Variants in ALG13 observed in about 807,000 individuals in gnomAD.
ALG13 encodes ALG13 UDP-N-acetylglucosaminyltransferase subunit.
Under a neutral mutation model 87.8 loss-of-function variants are expected in ALG13, and 11 were observed. That is an observed-to-expected ratio of 0.13 (90% confidence interval 0.08 to 0.21). The LOEUF (loss-of-function observed/expected upper bound fraction) is 0.21, where lower values mean the gene tolerates loss of function less well. Among genes scored for constraint, ALG13 ranks in the 10% least tolerant of loss-of-function variants. ALG13 has a pLI of 1.00. For synonymous variants in ALG13, 320 were observed against 306.3 expected (o/e 1.04, Z -0.47); for missense variants, 756 against 866.1 (o/e 0.87, Z 1.60).
chrX:111,703,549 T>C (rs1602611544), intron 3 of ALG13, among the ~76,000 whole-genome samples: 1 of 112,029 alleles, frequency 8.9e-6, no homozygotes, highest in East Asian at 2.8e-4. Context: ...CCCTAACTAC[T>C]GGCAAAAACT....
chrX:111,697,916 C>A (rs753554320), intron 3 of ALG13, among the ~76,000 whole-genome samples: 1 of 112,149 alleles, frequency 8.9e-6, no homozygotes, highest in Non-Finnish European at 1.9e-5. Flanking sequence ...TCCCTTGGAG[C>A]TGTAAAATTC....
At chrX:111,737,294 A>T (rs1943337701) in intron 23 of ALG13, among the ~76,000 whole-genome samples, 1 of 112,188 alleles carries the variant, frequency 8.9e-6, no homozygotes, top group Admixed American at 9.5e-5. Flanking sequence ...AGGCTCTGGA[A>T]TTTAAAAGAT....
At chrX:111,682,988 G>T (rs1329467393) in intron 2 of ALG13, among the ~76,000 whole-genome samples, 1 of 110,890 alleles carries the variant, frequency 9.0e-6, no homozygotes, top group Non-Finnish European at 1.9e-5. Flanking sequence ...GTGAAGAAAG[G>T]TGTTTCGTTT....
chrX:111,710,838 A>G (rs1311481937), intron 5 of ALG13, among the ~76,000 whole-genome samples: 3 of 111,263 alleles, frequency 2.7e-5, no homozygotes, highest in Non-Finnish European at 5.7e-5. Flanking sequence ...CTGGGACTAC[A>G]GGTGCCCGCC....
intron 15 of ALG13, 92 bp downstream of exon 15, chrX:111,725,153 T>C: frequency 9.7e-7 from 1 of 1,027,039 alleles, no homozygotes; most frequent in Non-Finnish European, 1.3e-6. Flanking sequence ...GTATGTCATA[T>C]GTCTTGTTGT....
At chrX:111,688,967 A>T in intron 3 of ALG13, 1 of 744,272 alleles carries the variant, frequency 1.3e-6, no homozygotes, top group Non-Finnish European at 1.6e-6. Context: ...CATTCACTAT[A>T]AAGACCTCTC....
intron 3 of ALG13, among the ~76,000 whole-genome samples, chrX:111,697,077 G>C (rs746878204): frequency 1.9e-5 from 2 of 106,018 alleles, no homozygotes; most frequent in African/African-American, 7.0e-5. Flanking sequence ...AAGCACGAAC[G>C]TGCTAAACAC....
At chrX:111,699,519 G>A (rs1036195495) in intron 3 of ALG13, among the ~76,000 whole-genome samples, 1 of 111,266 alleles carries the variant, frequency 9.0e-6, no homozygotes, top group African/African-American at 3.3e-5. Context: ...GCAGTTTCAG[G>A]TTTTATATTT....
intron 26 of ALG13, among the ~76,000 whole-genome samples, chrX:111,758,620 A>G (rs1191979502): frequency 8.9e-6 from 1 of 111,994 alleles, no homozygotes; most frequent in South Asian, 3.7e-4. Flanking sequence ...CCAATTACCA[A>G]TGCATGATAT....
chrX:111,733,382 T>C (rs1056962056), intron 21 of ALG13, among the ~76,000 whole-genome samples: 2 of 111,610 alleles, frequency 1.8e-5, no homozygotes, highest in African/African-American at 3.3e-5. Flanking sequence ...TGAGAACATA[T>C]AGTGTTTGGT....
At chrX:111,747,145 T>C (rs1345824660) in intron 24 of ALG13, among the ~76,000 whole-genome samples, 1 of 111,812 alleles carries the variant, frequency 8.9e-6, no homozygotes, top group Non-Finnish European at 1.9e-5. Context: ...GAAAAATGAA[T>C]GATGACATGT....
At chrX:111,711,082 G>C (rs1939700565) in intron 5 of ALG13, 1 of 112,528 alleles carries the variant, frequency 8.9e-6, no homozygotes, top group Admixed American at 9.4e-5. Flanking sequence ...CATGGAACTA[G>C]AAATAAATCT....
chrX:111,689,567 G>C (rs1369960618), intron 3 of ALG13: 1 of 752,315 alleles, frequency 1.3e-6, no homozygotes, highest in Admixed American at 8.8e-5. Context: ...TAACGCCTCT[G>C]ACTTCCCTTT....
At chrX:111,685,274 C>T in intron 3 of ALG13, 171 bp downstream of exon 3, 2 of 494,815 alleles carry the variant, frequency 4.0e-6, no homozygotes, top group Non-Finnish European at 6.7e-6. Flanking sequence ...TCCCATTTTG[C>T]AATCTCTGTG....
chrX:111,757,874 C>A, intron 26 of ALG13, 112 bp downstream of exon 26: 3 of 749,441 alleles, frequency 4.0e-6, no homozygotes, highest in Non-Finnish European at 5.8e-6. Flanking sequence ...CAGTGATTCT[C>A]AAAGCATGAT....
chrX:111,738,497 T>G (rs1943443239), intron 23 of ALG13, among the ~76,000 whole-genome samples: 1 of 112,216 alleles, frequency 8.9e-6, no homozygotes, highest in Non-Finnish European at 1.9e-5. Flanking sequence ...ACTCTGTATG[T>G]ACAGCAGATA....
chrX:111,710,286 G>GC (rs1423779183), intron 5 of ALG13, among the ~76,000 whole-genome samples: 1 of 111,076 alleles, frequency 9.0e-6, no homozygotes, highest in East Asian at 2.8e-4. Context: ...GCCCGCCTTG[G>GC]CCTCCCAAAG....
intron 25 of ALG13, among the ~76,000 whole-genome samples, chrX:111,753,657 T>TA (rs947366281): frequency 8.9e-6 from 1 of 111,812 alleles, no homozygotes; most frequent in African/African-American, 3.3e-5. Context: ...TCTATGCAAA[T>TA]AAACTAGAAA....
At chrX:111,723,480 C>T (rs1307889484) in intron 13 of ALG13, among the ~76,000 whole-genome samples, 1 of 111,018 alleles carries the variant, frequency 9.0e-6, no homozygotes, top group African/African-American at 3.3e-5. Context: ...TACTATGTTG[C>T]CCAGGCTGGT....
Sources: allele counts gnomAD v4.1 joint callset (sites outside exome capture counted in the v4.1 genomes callset), GRCh38; gene constraint gnomAD v4.1.1; transcripts MANE v1.5; gene names NCBI Gene and HGNC (gene_info 2026-07-23, HGNC 2026-07-21).